The following MAPT variants were observed in gnomAD, a reference collection of about 807,000 sequenced individuals.
MAPT encodes the protein microtubule associated protein tau.
MAPT carries 34 observed loss-of-function variants against 67.9 expected under a neutral mutation model. The ratio of observed to expected loss-of-function variants is 0.50; its 90% CI spans 0.38 to 0.67. The LOEUF is 0.67. Among genes scored for constraint, MAPT ranks in the 30% least tolerant of loss-of-function variants. MAPT has a pLI of 0.00. For synonymous variants in MAPT, 456 were observed against 464.5 expected (o/e 0.98, Z 0.23); for missense variants, 881 against 1,115.2 (o/e 0.79, Z 2.99).
intron 1 of MAPT, among the ~76,000 whole-genome samples, chr17:45,926,259 T>TAA (rs55865399): frequency 0.14 from 21,752 of 151,854 alleles, 2,124 homozygotes; most frequent in Middle Eastern, 0.22. Context: ...CAGACATAAC[T>TAA]ATATAATCCT....
intron 11 of MAPT, among the ~76,000 whole-genome samples, chr17:46,017,147 C>T (rs76911133): frequency 0.97 from 147,605 of 152,320 alleles, 71,695 homozygotes; most frequent in East Asian, 1. Context: ...GTGGTGCCAC[C>T]ACCCCAGCTG....
chr17:46,013,753 T>G (rs1386368601), intron 10 of MAPT, among the ~76,000 whole-genome samples: 1 of 152,184 alleles, frequency 6.6e-6, no homozygotes, highest in Non-Finnish European at 1.5e-5. Flanking sequence ...GCCTCCCCTC[T>G]TTGAGGCCCA....
rs1411738915 is a variant in MAPT at position 45,984,629 on chromosome 17, G to A, written c.1351+699G>A. 2.0e-5 allele frequency among the ~76,000 whole-genome samples: 3 copies of A among 152,210 alleles called. No individual in the cohort carries two copies. The South Asian group carries it at 6.2e-4, about 32-fold the overall frequency. ...CTCTGCCTTGTGGCAGGAAGACAAG[G>A]AGCAGACACAAGATCTCCCTGGTCC... is the stretch of plus-strand genomic sequence containing the variant. On this transcript the variant is annotated intron_variant, in intron 5 of 12. Coordinates refer to ENST00000262410, the MANE Select transcript of MAPT (RefSeq NM_001377265.1).
rs1474941259 is a variant in MAPT at position 45,971,599 on chromosome 17, G to T, written c.134-260G>T. Among the ~76,000 whole-genome samples the T allele has an allele frequency of 6.6e-6, 1 of 152,170 alleles. No homozygotes were observed. Among genetic ancestry groups the T allele is most frequent in the Non-Finnish European group, 1.5e-5 (1 of 68,026 alleles). On this transcript the variant is annotated intron_variant, in intron 2 of 12. Transcript: ENST00000262410. This position sits in a 1 kb window ranked among gnomAD's most constrained non-coding sequence, Gnocchi z 4.3. ...GGTGGCACCACTAGCTGGTTAAGAG[G>T]CACTTTGTCCTTTCACCCAGGAGCA...
chr17:45,934,034 G>A (rs184916729), intron 1 of MAPT, among the ~76,000 whole-genome samples: 43 of 152,208 alleles, frequency 2.8e-4, no homozygotes, highest in African/African-American at 1.0e-3. Context: ...TCCATTTGTT[G>A]TTTATATTTT....
chr17:45,912,034 A>G (rs1032794832), intron 1 of MAPT, among the ~76,000 whole-genome samples: 3 of 152,174 alleles, frequency 2.0e-5, no homozygotes, highest in African/African-American at 7.2e-5. Flanking sequence ...TTCAAAGATA[A>G]AAGATCTTGA....
intron 1 of MAPT, among the ~76,000 whole-genome samples, chr17:45,921,970 G>T (rs2065773827): frequency 6.6e-6 from 1 of 151,950 alleles, no homozygotes; most frequent in African/African-American, 2.4e-5. Flanking sequence ...TTCTCCCTGA[G>T]GCGCCTCTTT....
intron 1 of MAPT, among the ~76,000 whole-genome samples, chr17:45,923,646 C>G (rs1425378103): frequency 2.0e-5 from 3 of 152,234 alleles, no homozygotes; most frequent in Non-Finnish European, 1.5e-5. Flanking sequence ...GGCCTACCCA[C>G]TTTAGCTTTT....
Position 45,983,040 on chromosome 17 carries a change from A to G in MAPT, c.461A>G (p.His154Arg), listed in dbSNP as rs2073134047. The change falls in exon 5 of 13, where the codon CAC becomes CGC. Residue 154 changes from histidine (H) to arginine (R), a missense_variant. This residue lies in a region of MAPT where 687 missense variants were observed against 766.1 expected (regional missense o/e 0.90). Coordinates refer to ENST00000262410, the MANE Select transcript of MAPT (RefSeq NM_001377265.1). ...CCGCTGACCGCGAGCCTTCCTCAGC[A>G]CCGTCCCGTTTGCCCAGCGCCTCCT... The part of the protein sequence containing the change: ...PVPLTASLPQ[H>R]RPVCPAPPPT... 8.6e-6 allele frequency: 13 copies of G among 1,510,932 alleles called. No homozygotes were observed. 93.6% of individuals were successfully genotyped at this position (1,510,932 alleles called of 1,614,324 possible). A position where few individuals can be genotyped will look rare whatever the true frequency, so the allele number is the denominator to read the frequency against.
At chr17:45,987,393 A>C (rs1529535) in intron 6 of MAPT, among the ~76,000 whole-genome samples, 436 of 151,868 alleles carry the variant, frequency 2.9e-3, no homozygotes, top group Middle Eastern at 6.8e-3. Flanking sequence ...TGAAAACCAA[A>C]CCCAGGACAG....
At chr17:45,994,893 C>A (rs1253552899) in intron 8 of MAPT, among the ~76,000 whole-genome samples, 1 of 152,022 alleles carries the variant, frequency 6.6e-6, no homozygotes, top group African/African-American at 2.4e-5. Context: ...ACTAAAAATA[C>A]AAAAATTAGC....
chr17:45,989,941 A>G lies in MAPT; in HGVS notation c.1471A>G (p.Thr491Ala), dbSNP rs772568358. ...GCCTTGCCTTAGCCCCAAACACCCC[A>G]CTCCTGGTAGCTCAGACCCTCTGAT... ...NRPCLSPKHP[T>A]PGSSDPLIQP... The change falls in exon 7 of 13, where the codon ACT becomes GCT. Residue 491 changes from threonine to alanine, a missense_variant. Around this residue, in one of 6 missense-constraint regions of MAPT, gnomAD observed 687 missense variants for 766.1 expected, o/e 0.90. Coordinates refer to ENST00000262410, the MANE Select transcript of MAPT (RefSeq NM_001377265.1). 68 of 1,613,398 alleles carry G rather than the reference A, an allele frequency of 4.2e-5. No homozygotes were observed. Among genetic ancestry groups the G allele is most frequent in the Admixed American group, 8.3e-5 (5 of 59,916 alleles).
Position 45,993,369 on chromosome 17 carries a change from G to GT in MAPT, c.1732+1792dup, listed in dbSNP as rs200054730. Among the ~76,000 whole-genome samples the GT allele has an allele frequency of 5.9e-3, 884 of 150,792 alleles. 15 individuals carry two copies. The highest frequency in any genetic ancestry group is 0.018 in the African/African-American group (737 of 41,116). ...TTTTAAGTAGCGTTTGGATCCTGCTGTTTTTTTTTCACTTAACATCGGGCC... is the reference window on the plus strand; with the variant it reads ...TTTTAAGTAGCGTTTGGATCCTGCTGTTTTTTTTTTCACTTAACATCGGGCC... On this transcript the variant is annotated intron_variant, in intron 8 of 12. Transcript: ENST00000262410.
chr17:45,983,025 C>A lies in MAPT; in HGVS notation c.446C>A (p.Ala149Glu). The A allele has an allele frequency of 4.1e-6, 6 of 1,477,658 alleles. No homozygotes were observed. The highest frequency in any genetic ancestry group is 2.4e-5 in the Admixed American group (1 of 41,828). The allele number at this position is 1,477,658 out of a possible 1,614,324, so 91.5% of individuals were successfully genotyped here. A position where few individuals can be genotyped will look rare whatever the true frequency, so the allele number is the denominator to read the frequency against. ...KEPEAPVPLT[A>E]SLPQHRPVCP... ...CCAGAAGCTCCCGTCCCGCTGACCG[C>A]GAGCCTTCCTCAGCACCGTCCCGTT... Residue 149 changes from alanine (A) to glutamate (E), a missense_variant, in exon 5 of 13, where the codon GCG (alanine) becomes GAG (glutamate). By Grantham distance (107) the Ala-to-Glu change is moderately radical. Coordinates refer to ENST00000262410, the MANE Select transcript of MAPT (RefSeq NM_001377265.1).
rs1442309274 is a variant in MAPT, at chr17:45,982,943, C to T, written c.364C>T (p.Pro122Ser). ...CAATGAGATTAGCGCCCACGTCCAG[C>T]CTGGACCCTGCGGAGAGGCCTCTGG... ...LANEISAHVQ[P>S]GPCGEASGVS... Residue 122 changes from proline (P) to serine (S), a missense_variant, in exon 5 of 13, where the codon CCT becomes TCT. Pro to Ser is a moderately conservative substitution (Grantham distance 74). Coordinates refer to ENST00000262410, the MANE Select transcript of MAPT (RefSeq NM_001377265.1). The T allele has an allele frequency of 8.4e-6, 12 of 1,423,496 alleles. No individual in the cohort carries two copies. The highest frequency in any genetic ancestry group is 9.2e-6 in the Non-Finnish European group (10 of 1,092,684). 88.2% of individuals were successfully genotyped at this position (1,423,496 alleles called of 1,614,324 possible).
chr17:45,990,212 G>T (rs1197849323), intron 7 of MAPT, 137 bp downstream of exon 7: 21 of 809,114 alleles, frequency 2.6e-5, no homozygotes, highest in Non-Finnish European at 3.6e-5. Flanking sequence ...AAAATAGTTA[G>T]AATTCTGGGC....
rs2071627363 is a variant in MAPT, at chr17:45,971,217, A to G, written c.134-642A>G. On this transcript the variant is annotated intron_variant, in intron 2 of 12. Coordinates refer to ENST00000262410, the MANE Select transcript of MAPT (RefSeq NM_001377265.1). The surrounding 1 kb of genome is among the most constrained non-coding windows in gnomAD (Gnocchi z 4.3). ...TTGGTGGAGGGCGTGACTGTCAACC[A>G]CTGTGATCATTTGGGCCTCTCTTGC... 6.6e-6 allele frequency among the ~76,000 whole-genome samples: 1 copy of G among 152,006 alleles called. No homozygotes were observed. The highest frequency in any genetic ancestry group is 6.6e-5 in the Admixed American group (1 of 15,266).
At chr17:45,926,070 G>A (rs1407746852) in intron 1 of MAPT, among the ~76,000 whole-genome samples, 1 of 152,054 alleles carries the variant, frequency 6.6e-6, no homozygotes, top group African/African-American at 2.4e-5. Flanking sequence ...AATTAGCCAT[G>A]TGTGGTGGCA....
At chr17:45,981,107 A>G (rs1002256600) in intron 4 of MAPT, among the ~76,000 whole-genome samples, 3 of 152,150 alleles carry the variant, frequency 2.0e-5, no homozygotes, top group African/African-American at 7.2e-5. Context: ...AGCCCATGTC[A>G]ACCACCTTGC....
Sources: allele counts gnomAD v4.1 joint callset (sites outside exome capture counted in the v4.1 genomes callset), GRCh38; gene constraint gnomAD v4.1.1; regional missense constraint gnomAD v4.1.1; non-coding constraint Gnocchi (gnomAD v3.1); transcripts MANE v1.5; gene names NCBI Gene and HGNC (gene_info 2026-07-23, HGNC 2026-07-21).